Variants in SLC35F3 observed in about 807,000 individuals in gnomAD.
The protein encoded by SLC35F3 is putative thiamine transporter SLC35F3.
SLC35F3 carries 25 observed loss-of-function variants against 49.9 expected under a neutral mutation model. That is an observed-to-expected ratio of 0.50 (90% CI 0.37 to 0.70). SLC35F3 has a LOEUF of 0.70. Ranked by LOEUF, SLC35F3 falls within the 30% of genes least tolerant of loss-of-function variation. The pLI is 0.00. For synonymous variants in SLC35F3, 275 were observed against 265.4 expected (o/e 1.04, Z -0.35); for missense variants, 525 against 639.8 (o/e 0.82, Z 1.94).
At chr1:234,002,728 C>T (rs1663572419) in intron 2 of SLC35F3, among the ~76,000 whole-genome samples, 2 of 152,150 alleles carry the variant, frequency 1.3e-5, no homozygotes, top group Admixed American at 1.3e-4. Flanking sequence ...GCATAGCCCA[C>T]CCTTAAGGAG....
At chr1:234,185,535 G>A (rs1666630232) in intron 2 of SLC35F3, among the ~76,000 whole-genome samples, 1 of 152,144 alleles carries the variant, frequency 6.6e-6, no homozygotes, top group Admixed American at 6.6e-5. Context: ...TGCTTCTTCT[G>A]GGGTGGAACC....
In SLC35F3 at chr1:234,214,606, C is replaced by G. The variant is rs1355942327; in HGVS notation, c.284-16811C>G. The G allele has an allele frequency of 6.6e-7, 1 of 1,514,900 alleles. No homozygotes were observed. Among genetic ancestry groups the G allele is most frequent in the Non-Finnish European group, 8.8e-7 (1 of 1,131,316 alleles). The allele number at this position is 1,514,900 out of a possible 1,614,324, so 93.8% of individuals were successfully genotyped here. ...CGCGGCCGCCTCGCCCCGGGGGTCC[C>G]TGCACCCTAGCCGGGGAATGCTGCC... On this transcript the variant is annotated intron_variant, in intron 2 of 7. Transcript: ENST00000366618. The surrounding 1 kb of genome is among the most constrained non-coding windows in gnomAD (Gnocchi z 8.0).
intron 2 of SLC35F3, among the ~76,000 whole-genome samples, chr1:233,998,763 T>C (rs1042197271): frequency 6.6e-6 from 1 of 152,164 alleles, no homozygotes; most frequent in Non-Finnish European, 1.5e-5. Context: ...ATGTGGCTTG[T>C]GACAGTTATA....
intron 2 of SLC35F3, among the ~76,000 whole-genome samples, chr1:233,967,155 T>C (rs1662917827): frequency 1.3e-5 from 2 of 152,220 alleles, no homozygotes; most frequent in African/African-American, 4.8e-5. Context: ...AAAACCAAAA[T>C]TCATTGTTAA....
At chr1:234,075,962 A>G (rs555143993) in intron 2 of SLC35F3, among the ~76,000 whole-genome samples, 56 of 152,236 alleles carry the variant, frequency 3.7e-4, no homozygotes, top group African/African-American at 1.3e-3. Context: ...CCATTTAAAT[A>G]TTGAAGCCCT....
At chr1:234,179,461 T>C (rs1666525678) in intron 2 of SLC35F3, among the ~76,000 whole-genome samples, 1 of 152,198 alleles carries the variant, frequency 6.6e-6, no homozygotes, top group African/African-American at 2.4e-5. Context: ...GTACAATAAT[T>C]GTACATCATG....
At chr1:233,980,766 C>T (rs551914005) in intron 2 of SLC35F3, among the ~76,000 whole-genome samples, 2 of 152,188 alleles carry the variant, frequency 1.3e-5, no homozygotes, top group African/African-American at 2.4e-5. Context: ...ATTTGAGCTC[C>T]CTTCACATCG....
At chr1:234,220,998 C>A (rs1667196190) in intron 2 of SLC35F3, among the ~76,000 whole-genome samples, 1 of 152,062 alleles carries the variant, frequency 6.6e-6, no homozygotes. Context: ...GGTGACCGTG[C>A]ACATTTAGGA....
chr1:234,206,235 A>AGCTGGGTCAG (rs985081056), intron 2 of SLC35F3, among the ~76,000 whole-genome samples: 1 of 152,106 alleles, frequency 6.6e-6, no homozygotes, highest in African/African-American at 2.4e-5. Flanking sequence ...GGAGCAGCAG[A>AGCTGGGTCAG]GCTGGGTCAG....
intron 2 of SLC35F3, among the ~76,000 whole-genome samples, chr1:233,974,320 G>A (rs1412960420): frequency 2.0e-5 from 3 of 151,524 alleles, no homozygotes; most frequent in Non-Finnish European, 1.5e-5. Flanking sequence ...GAGTAGCTGG[G>A]ATTACAGGTG....
chr1:233,932,341 A>G lies in SLC35F3; in HGVS notation c.283+26583A>G, dbSNP rs7543013. Among the ~76,000 whole-genome samples, 1,511 of 152,258 alleles carry G rather than the reference A, an allele frequency of 9.9e-3. 24 individuals are homozygous for G. The highest frequency in any genetic ancestry group is 0.034 in the African/African-American group (1,406 of 41,540). ...TTGCTGTCTCAGGGGTGGCAGAGGC[A>G]TAAACAAATCTGTGTATAAGTGGAC... On this transcript the variant is annotated intron_variant, in intron 2 of 7. Transcript: ENST00000366618.
intron 3 of SLC35F3, among the ~76,000 whole-genome samples, chr1:234,294,553 C>T (rs561563321): frequency 3.3e-5 from 5 of 152,332 alleles, no homozygotes; most frequent in East Asian, 3.9e-4. Context: ...ATCTAAAGTA[C>T]GGAAGTCGGA....
chr1:234,023,944 A>G (rs1029655037), intron 2 of SLC35F3, among the ~76,000 whole-genome samples: 9 of 152,130 alleles, frequency 5.9e-5, no homozygotes, highest in Non-Finnish European at 1.3e-4. Flanking sequence ...GCCAAGTGGA[A>G]CCTAAGGAGT....
chr1:233,924,377 G>T (rs2102789757), intron 2 of SLC35F3, among the ~76,000 whole-genome samples: 1 of 152,316 alleles, frequency 6.6e-6, no homozygotes, highest in East Asian at 1.9e-4. Context: ...TCTTGGGACG[G>T]TGTATGTGTC....
At chr1:233,933,667 A>G (rs868591339) in intron 2 of SLC35F3, among the ~76,000 whole-genome samples, 1 of 152,172 alleles carries the variant, frequency 6.6e-6, no homozygotes, top group African/African-American at 2.4e-5. Context: ...CCTGTCCAAC[A>G]TGGCAAAAAC....
At chr1:234,233,570 A>C (rs1667417593) in intron 3 of SLC35F3, among the ~76,000 whole-genome samples, 1 of 152,246 alleles carries the variant, frequency 6.6e-6, no homozygotes. Context: ...CACAGATGGA[A>C]TCAAGATCAA....
chr1:233,941,958 T>TTC (rs1662430360), intron 2 of SLC35F3, among the ~76,000 whole-genome samples: 2 of 116,874 alleles, frequency 1.7e-5, no homozygotes, highest in South Asian at 5.4e-4. Context: ...TTTTTTGTTT[T>TTC]TTTGTTTTTT....
intron 3 of SLC35F3, among the ~76,000 whole-genome samples, chr1:234,240,653 G>C (rs1667541120): frequency 1.3e-5 from 2 of 151,856 alleles, no homozygotes. Context: ...AAATGACAAG[G>C]AGGAGGTCCT....
chr1:234,089,930 GC>G (rs1665016017), intron 2 of SLC35F3, among the ~76,000 whole-genome samples: 1 of 152,188 alleles, frequency 6.6e-6, no homozygotes, highest in Non-Finnish European at 1.5e-5. Context: ...AACTCCACAG[GC>G]CCAGGCCTTT....
Sources: gnomAD v4.1 joint callset for allele counts (sites outside exome capture counted in the v4.1 genomes callset) on GRCh38, gnomAD v4.1.1 for gene constraint, Gnocchi (gnomAD v3.1) non-coding constraint, MANE v1.5 for transcripts, NCBI Gene and HGNC (gene_info 2026-07-23, HGNC 2026-07-21) for gene names.